Variants in IL1RAPL2 observed in about 807,000 individuals in gnomAD.
IL1RAPL2 encodes interleukin 1 receptor accessory protein like 2, also known as X-linked interleukin-1 receptor accessory protein-like 2.
In IL1RAPL2, 3 loss-of-function variants were observed where a neutral mutation model predicts 44.1. That is an observed-to-expected ratio of 0.07 (90% CI 0.03 to 0.18). The LOEUF (loss-of-function observed/expected upper bound fraction) is 0.18. Among genes scored for constraint, IL1RAPL2 ranks in the 10% least tolerant of loss-of-function variants. The pLI is 1.00. For missense variants in IL1RAPL2, 391 were observed against 496.4 expected (o/e 0.79, Z 2.02); for synonymous variants, 181 against 178.8 (o/e 1.01, Z -0.10).
intron 2 of IL1RAPL2, among the ~76,000 whole-genome samples, chrX:104,984,871 AAAAAAT>A (rs1371734882): frequency 8.9e-6 from 1 of 111,744 alleles, no homozygotes; most frequent in African/African-American, 3.2e-5. Context: ...AACTGACTGC[AAAAAAT>A]AAGAATAAAA....
intron 6 of IL1RAPL2, among the ~76,000 whole-genome samples, chrX:105,513,910 G>GT (rs2036491870): frequency 1.8e-5 from 2 of 111,017 alleles, no homozygotes; most frequent in South Asian, 7.5e-4. Context: ...TAAGTCTTAC[G>GT]TTTAAGTCTT....
chrX:105,427,396 G>A (rs2035818444), intron 5 of IL1RAPL2, among the ~76,000 whole-genome samples: 1 of 111,783 alleles, frequency 8.9e-6, no homozygotes, highest in Non-Finnish European at 1.9e-5. Context: ...ATATAACTAG[G>A]CCCTGAGAAG....
At chrX:105,266,491 G>T (rs745770528) in intron 4 of IL1RAPL2, among the ~76,000 whole-genome samples, 12 of 111,334 alleles carry the variant, frequency 1.1e-4, no homozygotes, top group African/African-American at 3.9e-4. Flanking sequence ...TAAGTAGTCT[G>T]AAAAAAAATT....
At chrX:105,317,399 C>T (rs2034851766) in intron 5 of IL1RAPL2, among the ~76,000 whole-genome samples, 1 of 111,759 alleles carries the variant, frequency 8.9e-6, no homozygotes, top group Non-Finnish European at 1.9e-5. Context: ...ATCTTAAAGC[C>T]CTCAGAAGCT....
chrX:105,144,945 A>T (rs2147585679), intron 2 of IL1RAPL2, among the ~76,000 whole-genome samples: 1 of 111,125 alleles, frequency 9.0e-6, no homozygotes, highest in South Asian at 3.8e-4. Flanking sequence ...ATTCCCCGCC[A>T]TTTATAACAC....
At chrX:104,914,804 G>A (rs965784479) in intron 2 of IL1RAPL2, among the ~76,000 whole-genome samples, 3 of 110,347 alleles carry the variant, frequency 2.7e-5, no homozygotes, top group African/African-American at 1.0e-4. Flanking sequence ...CTATGAGTGA[G>A]AACATGCGGT....
chrX:105,074,751 C>A (rs886784628), intron 2 of IL1RAPL2, among the ~76,000 whole-genome samples: 2 of 108,114 alleles, frequency 1.8e-5, no homozygotes, highest in East Asian at 5.8e-4. Context: ...TGAAGAGGTT[C>A]TTCACATCCC....
At chrX:105,541,911 C>T (rs762567851) in intron 6 of IL1RAPL2, among the ~76,000 whole-genome samples, 1 of 111,299 alleles carries the variant, frequency 9.0e-6, no homozygotes, top group Non-Finnish European at 1.9e-5. Flanking sequence ...CCACCACCCC[C>T]ACACCAGGAA....
At chrX:104,752,302 A>T (rs113191397) in intron 2 of IL1RAPL2, among the ~76,000 whole-genome samples, 292 of 104,867 alleles carry the variant, frequency 2.8e-3, no homozygotes, top group African/African-American at 9.2e-3. Context: ...TGTGTGTGTG[A>T]GAGAGAGAGA....
intron 2 of IL1RAPL2, among the ~76,000 whole-genome samples, chrX:104,741,549 G>T (rs1418819912): frequency 9.0e-6 from 1 of 110,666 alleles, no homozygotes; most frequent in Non-Finnish European, 1.9e-5. Context: ...GAGATATGAA[G>T]TGAACCTATT....
intron 2 of IL1RAPL2, among the ~76,000 whole-genome samples, chrX:105,115,701 G>T (rs1216606354): frequency 8.9e-6 from 1 of 112,988 alleles, no homozygotes; most frequent in African/African-American, 3.2e-5. Flanking sequence ...AGTGGGTCCC[G>T]CACTGGGCCG....
rs1226907828 is a variant in IL1RAPL2 at position 104,622,039 on chromosome X, A to T, written c.-19-36856A>T. On this transcript the variant is annotated intron_variant, in intron 1 of 10. Transcript: ENST00000372582. ...AAATCATGTCATTTAGAGCATCTTG[A>T]ACTCCAGAGAGAGGTATCTCATGCG... is the stretch of plus-strand genomic sequence containing the variant. Among the ~76,000 whole-genome samples the T allele has an allele frequency of 4.5e-5, 5 of 110,685 alleles. No individual in the cohort carries two copies. In the East Asian group the frequency reaches 1.4e-3, roughly 32 times the overall value.
chrX:104,821,908 TG>T (rs1921314258), intron 2 of IL1RAPL2, among the ~76,000 whole-genome samples: 1 of 112,267 alleles, frequency 8.9e-6, no homozygotes, highest in Non-Finnish European at 1.9e-5. Context: ...CAGCATCTGT[TG>T]TTTCCTGACT....
At chrX:105,244,039 G>C (rs1017368720) in intron 4 of IL1RAPL2, among the ~76,000 whole-genome samples, 2 of 111,389 alleles carry the variant, frequency 1.8e-5, no homozygotes, top group Non-Finnish European at 3.8e-5. Context: ...CCCTAGGTGA[G>C]ACTAATTTGG....
intron 2 of IL1RAPL2, among the ~76,000 whole-genome samples, chrX:104,679,711 C>T (rs999322972): frequency 9.0e-6 from 1 of 111,560 alleles, no homozygotes; most frequent in Non-Finnish European, 1.9e-5. Context: ...GCTTTGTCTG[C>T]CATTTTCACA....
At chrX:105,556,818 CA>C (rs2036900056) in intron 6 of IL1RAPL2, among the ~76,000 whole-genome samples, 3 of 110,983 alleles carry the variant, frequency 2.7e-5, no homozygotes, top group Admixed American at 1.9e-4. Flanking sequence ...TTATAGATAT[CA>C]AAAATATGTT....
At chrX:105,625,346 G>T (rs1265656766) in intron 6 of IL1RAPL2, among the ~76,000 whole-genome samples, 6 of 111,729 alleles carry the variant, frequency 5.4e-5, no homozygotes, top group Non-Finnish European at 9.4e-5. Context: ...GAAGTTCATT[G>T]CCCAAAGGGT....
rs112177217 is a variant in IL1RAPL2 at position 104,620,333 on chromosome X, ATT to A, written c.-19-38550_-19-38549del. On this transcript the variant is annotated intron_variant, in intron 1 of 10. Transcript: ENST00000372582. ...GTTCCCCCAAAACTATTGAAATACAATTTTTTTTTTTTTAAAGAGATGGTGGC... is the reference window on the plus strand; with the variant it reads ...GTTCCCCCAAAACTATTGAAATACAATTTTTTTTTTTAAAGAGATGGTGGC... 7.4e-4 allele frequency among the ~76,000 whole-genome samples: 76 copies of A among 102,907 alleles called. No individual in the cohort carries two copies. The South Asian group carries it at 8.0e-3, about 11-fold the overall frequency. The allele number at this position is 102,907 out of a possible 115,157, so 89.4% of individuals were successfully genotyped here. A position where few individuals can be genotyped will look rare whatever the true frequency, so the allele number is the denominator to read the frequency against.
chrX:105,734,147 T>C (rs1312177868), intron 7 of IL1RAPL2, among the ~76,000 whole-genome samples: 1 of 110,408 alleles, frequency 9.1e-6, no homozygotes, highest in East Asian at 2.9e-4. Context: ...TTTTTGCAAA[T>C]AAAATCCCTT....
Sources: gnomAD v4.1 joint callset for allele counts (sites outside exome capture counted in the v4.1 genomes callset) on GRCh38, gnomAD v4.1.1 for gene constraint, MANE v1.5 for transcripts, NCBI Gene and HGNC (gene_info 2026-07-23, HGNC 2026-07-21) for gene names.